The following SLC28A1 variants were observed in gnomAD, a reference collection of about 807,000 sequenced individuals.
The protein encoded by SLC28A1 is sodium/nucleoside cotransporter 1.
A neutral mutation model predicts 74.8 loss-of-function variants in SLC28A1; 64 were observed. The observed-to-expected ratio is 0.86, with a 90% CI of 0.70 to 1.05. The LOEUF (loss-of-function observed/expected upper bound fraction) is 1.05. Ranked by LOEUF, SLC28A1 falls within the 50% of genes least tolerant of loss-of-function variation. The pLI is 0.00. For missense variants in SLC28A1, 828 were observed against 822.8 expected, an observed-to-expected ratio of 1.01 and a Z score of -0.08; for synonymous variants, 359 against 335.0, an observed-to-expected ratio of 1.07 and a Z score of -0.78.
chr15:84,950,024 G>T (rs956337463), downstream of SLC28A1, among the ~76,000 whole-genome samples: 4 of 152,186 alleles, frequency 2.6e-5, no homozygotes, highest in Non-Finnish European at 1.5e-5. Flanking sequence ...ATGGAATGGT[G>T]GAATGGGGAC....
the SLC28A1 span, among the ~76,000 whole-genome samples, chr15:84,951,972 G>C: frequency 1.3e-5 from 2 of 152,190 alleles, no homozygotes; most frequent in Non-Finnish European, 2.9e-5. Flanking sequence ...GCAGTTTCCA[G>C]CCTCAGGCTT....
At chr15:84,906,575 TTCCTTC>T (rs1567140789) in intron 8 of SLC28A1, among the ~76,000 whole-genome samples, 852 of 39,522 alleles carry the variant, frequency 0.022, 17 homozygotes, top group Admixed American at 0.081. Context: ...TCTTTCTTTC[TTCCTTC>T]CTTCCTTCCT....
At chr15:84,900,437 A>G (rs1284365251) in intron 6 of SLC28A1, among the ~76,000 whole-genome samples, 1 of 144,464 alleles carries the variant, frequency 6.9e-6, no homozygotes, top group Non-Finnish European at 1.5e-5. Flanking sequence ...AGAAGAAGAA[A>G]GAAAGAAATG....
the SLC28A1 span, among the ~76,000 whole-genome samples, chr15:84,970,646 A>G: frequency 1.4e-4 from 21 of 152,150 alleles, no homozygotes; most frequent in Admixed American, 3.3e-4. Flanking sequence ...CTTATGGCCT[A>G]GAGCAACTCG....
intron 9 of SLC28A1, among the ~76,000 whole-genome samples, chr15:84,917,151 T>C (rs1969237283): frequency 6.6e-6 from 1 of 152,064 alleles, no homozygotes; most frequent in Non-Finnish European, 1.5e-5. Flanking sequence ...TTGGGAGTGC[T>C]TCTTTCTATA....
intron 6 of SLC28A1, among the ~76,000 whole-genome samples, chr15:84,898,914 G>A (rs939206977): frequency 3.3e-5 from 5 of 152,158 alleles, no homozygotes; most frequent in Admixed American, 6.5e-5. Context: ...CAGGGTTCAC[G>A]TTGCAGAGCA....
intron 1 of SLC28A1, among the ~76,000 whole-genome samples, chr15:84,885,339 G>A (rs181304432): frequency 1.3e-5 from 2 of 151,796 alleles, no homozygotes; most frequent in South Asian, 2.1e-4. Flanking sequence ...AACAGTGTGC[G>A]GAACTCTGCT....
rs371028505 is a variant in SLC28A1 at position 84,935,464 on chromosome 15, A to G, written c.1527A>G (p.Gln509=). ...VAYQDLSKYK[Q]RRLAGAEEWV... is the part of the protein sequence containing the mutation. ...ATCAAGACCTCTCCAAGTACAAGCA[A>G]CGCCGCCTGGCAGGGGCCGAGGAGT... The change falls in exon 15 of 19, where the codon CAA becomes CAG. Residue 509 remains glutamine, a synonymous_variant. Transcript: ENST00000394573. 80 of 1,614,054 alleles carry G rather than the reference A, an allele frequency of 5.0e-5. 1 individual carries two copies. The highest frequency in any genetic ancestry group is 3.3e-4 in the Middle Eastern group (2 of 6,084).
intron 15 of SLC28A1, among the ~76,000 whole-genome samples, chr15:84,937,819 C>T (rs1972118968): frequency 6.6e-6 from 1 of 151,996 alleles, no homozygotes; most frequent in Non-Finnish European, 1.5e-5. Flanking sequence ...ATTTCTTGAA[C>T]CTGGGAGGAG....
In SLC28A1 at chr15:84,884,689, T is replaced by C. The variant is rs1964380534; in HGVS notation, c.-195T>C. 1 of 985,388 alleles carries C rather than the reference T, an allele frequency of 1.0e-6. No homozygotes were observed. The highest frequency in any genetic ancestry group is 1.2e-6 in the Non-Finnish European group (1 of 829,702). The allele number at this position is 985,388 out of a possible 1,614,324, so 61.0% of individuals were successfully genotyped here. A position where few individuals can be genotyped will look rare whatever the true frequency, so the allele number is the denominator to read the frequency against. ...ACGATGTGAAGGTTATAAGCTGCAC[T>C]GCATGGTTGCTGCTGGATGTGTTGT... On this transcript the variant is annotated 5_prime_UTR_variant, in exon 1 of 19. Transcript: ENST00000394573.
At chr15:84,975,246 A>C in the SLC28A1 span, among the ~76,000 whole-genome samples, 2 of 152,326 alleles carry the variant, frequency 1.3e-5, no homozygotes, top group Admixed American at 6.5e-5. Flanking sequence ...TTTTACTTCA[A>C]ATCTGGCCAC....
intron 9 of SLC28A1, among the ~76,000 whole-genome samples, chr15:84,911,940 G>A (rs937642257): frequency 4.0e-5 from 6 of 151,894 alleles, no homozygotes; most frequent in Non-Finnish European, 4.4e-5. Flanking sequence ...TTGAATGTTC[G>A]GTTAAGACAA....
rs757976969 is a variant in SLC28A1 at position 84,908,808 on chromosome 15, C to G, written c.795+13C>G. 3.7e-6 allele frequency: 6 copies of G among 1,611,026 alleles called. No homozygotes were observed. Among genetic ancestry groups the G allele is most frequent in the Non-Finnish European group, 5.1e-6 (6 of 1,178,040 alleles). On this transcript the variant is annotated intron_variant, in intron 9 of 18. Coordinates refer to ENST00000394573, the MANE Select transcript of SLC28A1 (RefSeq NM_004213.5). ...CTTTGCCTTTCAGGTCAGCTTGACTCAGGGTCCCAGAGGCCTTTAGCAGCC... is the reference window on the plus strand; with the variant it reads ...CTTTGCCTTTCAGGTCAGCTTGACTGAGGGTCCCAGAGGCCTTTAGCAGCC...
intron 6 of SLC28A1, among the ~76,000 whole-genome samples, chr15:84,900,159 AT>A (rs1258343655): frequency 3.0e-4 from 45 of 151,832 alleles, no homozygotes; most frequent in African/African-American, 1.1e-3. Flanking sequence ...TCTAATAAAA[AT>A]ATATATATAA....
chr15:84,918,671 C>T, intron 10 of SLC28A1, 67 bp downstream of exon 10: 1 of 1,207,018 alleles, frequency 8.3e-7, no homozygotes, highest in Non-Finnish European at 1.2e-6. Context: ...CACACTGTCC[C>T]AGAATGCCTT....
chr15:84,924,531 C>T (rs960936689), intron 12 of SLC28A1, among the ~76,000 whole-genome samples: 1 of 152,190 alleles, frequency 6.6e-6, no homozygotes, highest in African/African-American at 2.4e-5. Flanking sequence ...TTTCCCCACA[C>T]TCTCTCTGGG....
the SLC28A1 span, among the ~76,000 whole-genome samples, chr15:84,972,835 C>T: frequency 6.6e-6 from 1 of 152,214 alleles, no homozygotes; most frequent in Non-Finnish European, 1.5e-5. Context: ...CGTAATTTAC[C>T]AAACACAAAG....
chr15:84,894,758 C>CT (rs1167185773), intron 5 of SLC28A1, among the ~76,000 whole-genome samples, 182 bp from the exon 6 acceptor site: 1 of 152,230 alleles, frequency 6.6e-6, no homozygotes, highest in Non-Finnish European at 1.5e-5. Context: ...CTCCTAACTA[C>CT]TTTTTGGCAC....
At chr15:84,895,306 CA>C (rs1196910482) in intron 6 of SLC28A1, 183 bp downstream of exon 6, 1 of 1,601,670 alleles carries the variant, frequency 6.2e-7, no homozygotes, top group Non-Finnish European at 8.6e-7. Context: ...GGTGTTTCAC[CA>C]GTTCTTAGTC....
Sources: allele counts gnomAD v4.1 joint callset (sites outside exome capture counted in the v4.1 genomes callset), GRCh38; gene constraint gnomAD v4.1.1; transcripts MANE v1.5; gene names NCBI Gene and HGNC (gene_info 2026-07-23, HGNC 2026-07-21).